LNPEP: variants seen among roughly 807,000 people sequenced by gnomAD.
LNPEP encodes the protein leucyl and cystinyl aminopeptidase, also known as leucyl-cystinyl aminopeptidase.
LNPEP carries 64 observed loss-of-function variants against 120.6 expected under a neutral mutation model. That is an observed-to-expected ratio of 0.53 (90% confidence interval 0.43 to 0.65). LNPEP has a LOEUF of 0.65. Among genes scored for constraint, LNPEP ranks in the 30% least tolerant of loss-of-function variants. LNPEP has a pLI of 0.00. For synonymous variants in LNPEP, 435 were observed against 425.4 expected (o/e 1.02, Z -0.28); for missense variants, 1,057 against 1,200.0 (o/e 0.88, Z 1.76).
intron 1 of LNPEP, among the ~76,000 whole-genome samples, chr5:96,974,866 T>A (rs2112599770): frequency 6.6e-6 from 1 of 152,250 alleles, no homozygotes; most frequent in East Asian, 1.9e-4. Context: ...CTGATTTTCC[T>A]ACCTTTGGTC....
Position 96,979,285 on chromosome 5 carries a change from G to A in LNPEP, c.167G>A (p.Arg56Gln), listed in dbSNP as rs780660685. ...CCCCGGGGTTCCCGACTGCTGGTGC[G>A]GGGTCTTGGTGAGCATGAGATGGAG... is the stretch of plus-strand genomic sequence containing the variant. ...YEPRGSRLLV[R>Q]GLGEHEMEED... is the part of the protein sequence containing the mutation. Residue 56 changes from arginine to glutamine, a missense_variant, in exon 2 of 18, where the codon CGG becomes CAG. Coordinates refer to ENST00000231368, the MANE Select transcript of LNPEP (RefSeq NM_005575.3). The A allele has an allele frequency of 8.7e-6, 14 of 1,613,984 alleles. No homozygotes were observed. Among genetic ancestry groups the A allele is most frequent in the Middle Eastern group, 1.7e-4 (1 of 6,058 alleles).
chr5:96,982,651 T>C (rs527519633), intron 2 of LNPEP, among the ~76,000 whole-genome samples: 2 of 152,234 alleles, frequency 1.3e-5, no homozygotes, highest in South Asian at 2.1e-4. Context: ...CATAAGAATG[T>C]TGGGGGTGGG....
chr5:97,009,478 A>C (rs746403955), intron 11 of LNPEP, among the ~76,000 whole-genome samples: 1 of 152,174 alleles, frequency 6.6e-6, no homozygotes, highest in Non-Finnish European at 1.5e-5. Context: ...TAATGAAGTG[A>C]CTCCAGTCTC....
At chr5:97,021,923 G>GTTTT (rs1165456605) in intron 13 of LNPEP, among the ~76,000 whole-genome samples, 1 of 57,170 alleles carries the variant, frequency 1.7e-5, no homozygotes, top group Non-Finnish European at 3.1e-5. Flanking sequence ...TTTGTCTTTT[G>GTTTT]TTTTTTTTTT....
chr5:96,973,461 G>A (rs2112597898), intron 1 of LNPEP, among the ~76,000 whole-genome samples: 1 of 152,006 alleles, frequency 6.6e-6, no homozygotes, highest in Non-Finnish European at 1.5e-5. Flanking sequence ...TCCCATACTT[G>A]GAACTTATAG....
chr5:97,001,439 TC>T (rs1434277474), intron 8 of LNPEP, among the ~76,000 whole-genome samples: 2 of 152,146 alleles, frequency 1.3e-5, no homozygotes, highest in African/African-American at 4.8e-5. Flanking sequence ...AACTTCCATT[TC>T]TAAGTGACTA....
chr5:96,999,126 C>T (rs1196608698), intron 8 of LNPEP, among the ~76,000 whole-genome samples: 5 of 152,044 alleles, frequency 3.3e-5, no homozygotes, highest in Admixed American at 2.6e-4. Context: ...TTTTCCTATG[C>T]AACAGGAAGC....
chr5:97,012,557 G>A (rs1006948509), intron 11 of LNPEP, among the ~76,000 whole-genome samples: 23 of 152,148 alleles, frequency 1.5e-4, no homozygotes, highest in African/African-American at 4.1e-4. Flanking sequence ...GGGCTGAGGC[G>A]TTAGCAGTAA....
At chr5:97,015,999 C>G (rs113827834) in intron 13 of LNPEP, among the ~76,000 whole-genome samples, 71 of 152,090 alleles carry the variant, frequency 4.7e-4, no homozygotes, top group African/African-American at 1.6e-3. Flanking sequence ...TACTGCCTTA[C>G]CCTGCGTCTC....
chr5:96,993,670 A>T, intron 5 of LNPEP, 147 bp from the exon 6 acceptor site: 1 of 764,192 alleles, frequency 1.3e-6, no homozygotes, highest in Non-Finnish European at 2.1e-6. Context: ...TAGAGAGCAT[A>T]CAGAGCTAGA....
chr5:96,981,896 C>T (rs1790133989), intron 2 of LNPEP, among the ~76,000 whole-genome samples: 1 of 152,030 alleles, frequency 6.6e-6, no homozygotes, highest in Non-Finnish European at 1.5e-5. Flanking sequence ...TCGTTTCTAA[C>T]AGAATTTAAT....
intron 1 of LNPEP, among the ~76,000 whole-genome samples, chr5:96,942,609 G>A (rs925771237): frequency 4.0e-5 from 6 of 149,532 alleles, no homozygotes; most frequent in East Asian, 2.0e-4. Context: ...AGCCGAGATC[G>A]TGCCACTGCA....
chr5:97,034,189 C>G lies in LNPEP; in HGVS notation c.*5656C>G, dbSNP rs1791526763. 6.6e-6 allele frequency: 1 copy of G among 151,962 alleles called. No homozygotes were observed. The highest frequency in any genetic ancestry group is 1.5e-5 in the Non-Finnish European group (1 of 67,972). The allele number at this position is 151,962 out of a possible 1,614,324, so 9.4% of individuals were successfully genotyped here. A position where few individuals can be genotyped will look rare whatever the true frequency, so the allele number is the denominator to read the frequency against. On this transcript the variant is annotated 3_prime_UTR_variant, in exon 18 of 18. Coordinates refer to ENST00000231368, the MANE Select transcript of LNPEP (RefSeq NM_005575.3). The stretch of plus-strand genomic sequence containing the variant: ...TTCTTTTTTATCCATCTGCCTATCT[C>G]CAGGAGGATGGGGTGTGCACTTTTA...
At chr5:96,954,703 C>CATAT (rs1789406141) in intron 1 of LNPEP, among the ~76,000 whole-genome samples, 1 of 48,454 alleles carries the variant, frequency 2.1e-5, no homozygotes, top group Admixed American at 2.0e-4. Context: ...CACATATATA[C>CATAT]ATATATACAC....
chr5:96,958,513 G>T (rs1789523426), intron 1 of LNPEP: 4 of 984,614 alleles, frequency 4.1e-6, no homozygotes, highest in Non-Finnish European at 4.8e-6. Flanking sequence ...GCATGTTGTG[G>T]GGACTAGTTG....
intron 2 of LNPEP, among the ~76,000 whole-genome samples, chr5:96,980,383 G>A (rs1043843862): frequency 2.6e-5 from 4 of 152,080 alleles, no homozygotes; most frequent in African/African-American, 9.7e-5. Context: ...TACAGAAAGA[G>A]GGCATGAAGA....
intron 1 of LNPEP, among the ~76,000 whole-genome samples, chr5:96,960,633 T>C (rs1789579397): frequency 6.6e-6 from 1 of 152,178 alleles, no homozygotes; most frequent in African/African-American, 2.4e-5. Flanking sequence ...CAGACTAGTG[T>C]TTGTAAGAAG....
chr5:97,003,783 TG>T (rs199497645), intron 9 of LNPEP, among the ~76,000 whole-genome samples: 309 of 150,326 alleles, frequency 2.1e-3, no homozygotes, highest in African/African-American at 6.0e-3. Flanking sequence ...GGTAGCCAGT[TG>T]TTTTTTTTTT....
At chr5:97,003,663 A>G (rs558066305) in intron 9 of LNPEP, 117 bp downstream of exon 9, 317 of 604,794 alleles carry the variant, frequency 5.2e-4, no homozygotes, top group Non-Finnish European at 7.6e-4. Context: ...TTATTTAAGA[A>G]AGGGGGGGAT....
Sources: allele counts gnomAD v4.1 joint callset (sites outside exome capture counted in the v4.1 genomes callset), GRCh38; gene constraint gnomAD v4.1.1; transcripts MANE v1.5; gene names NCBI Gene and HGNC (gene_info 2026-07-23, HGNC 2026-07-21).